The following CLEC16A variants were observed in gnomAD, a reference collection of about 807,000 sequenced individuals.
CLEC16A encodes the protein protein CLEC16A.
In CLEC16A, 51 loss-of-function variants were observed where a neutral mutation model predicts 109.5. The ratio of observed to expected loss-of-function variants is 0.47; its 90% CI spans 0.37 to 0.59. The LOEUF (loss-of-function observed/expected upper bound fraction) is 0.59. Ranked by LOEUF, CLEC16A falls within the 20% of genes least tolerant of loss-of-function variation. The probability of loss-of-function intolerance (pLI) is 0.00; values close to 1 mark genes in which losing one functional copy is unlikely to be tolerated. For missense variants in CLEC16A, 1,339 were observed against 1,394.0 expected, an observed-to-expected ratio of 0.96 and a Z score of 0.63; for synonymous variants, 673 against 564.2, an observed-to-expected ratio of 1.19 and a Z score of -2.73.
intron 11 of CLEC16A, among the ~76,000 whole-genome samples, chr16:11,011,144 T>A (rs2045388008): frequency 6.6e-6 from 1 of 152,232 alleles, no homozygotes; most frequent in African/African-American, 2.4e-5. Context: ...GGAGACACTT[T>A]GGGATCATAC....
At chr16:10,950,797 G>T (rs80043172) in intron 1 of CLEC16A, among the ~76,000 whole-genome samples, 6,602 of 152,272 alleles carry the variant, frequency 0.043, 508 homozygotes, top group African/African-American at 0.15. Context: ...CTGAGACATT[G>T]TTATTTGGAG....
At chr16:11,000,384 A>C (rs2044597625) in intron 10 of CLEC16A, among the ~76,000 whole-genome samples, 1 of 152,086 alleles carries the variant, frequency 6.6e-6, no homozygotes, top group African/African-American at 2.4e-5. Flanking sequence ...TTCTGCTCTT[A>C]ATTTCAAACT....
At chr16:11,109,210 G>GGCAGTGGT (rs951598686) in intron 19 of CLEC16A, among the ~76,000 whole-genome samples, 4 of 149,530 alleles carry the variant, frequency 2.7e-5, no homozygotes, top group South Asian at 2.1e-4. Flanking sequence ...CTGTCACCCA[G>GGCAGTGGT]GCAGTGGTGC....
chr16:11,040,336 G>A (rs2152849344), intron 14 of CLEC16A: 1 of 161,904 alleles, frequency 6.2e-6, no homozygotes, highest in South Asian at 1.7e-4. Context: ...GAGTGAGAAT[G>A]CGCTTGGAGA....
chr16:10,991,274 C>T (rs1379549750), intron 10 of CLEC16A, among the ~76,000 whole-genome samples: 1 of 151,698 alleles, frequency 6.6e-6, no homozygotes, highest in African/African-American at 2.4e-5. Context: ...AGCACAGACT[C>T]AAAGGAAGCA....
chr16:11,090,955 C>T (rs2050271689), intron 19 of CLEC16A, among the ~76,000 whole-genome samples: 1 of 152,020 alleles, frequency 6.6e-6, no homozygotes, highest in Non-Finnish European at 1.5e-5. Context: ...CAGGCATGAG[C>T]CACGGTGCCC....
intron 18 of CLEC16A, among the ~76,000 whole-genome samples, chr16:11,052,971 G>A (rs746229130): frequency 4.6e-5 from 7 of 152,120 alleles, no homozygotes; most frequent in Non-Finnish European, 1.0e-4. Context: ...ATAGCTCACT[G>A]CAGCCTCAAA....
At chr16:11,137,988 C>T (rs748352409) in intron 22 of CLEC16A, among the ~76,000 whole-genome samples, 1 of 152,200 alleles carries the variant, frequency 6.6e-6, no homozygotes, top group Non-Finnish European at 1.5e-5. Flanking sequence ...TGGCCGTTTC[C>T]TTCATGCTGC....
intron 19 of CLEC16A, among the ~76,000 whole-genome samples, chr16:11,100,314 T>C (rs894157755): frequency 1.3e-5 from 2 of 152,152 alleles, no homozygotes; most frequent in South Asian, 4.1e-4. Context: ...CCTTTCCCTT[T>C]CTCCGCCTGC....
intron 13 of CLEC16A, among the ~76,000 whole-genome samples, chr16:11,038,493 A>G (rs941583122): frequency 2.6e-5 from 4 of 152,174 alleles, no homozygotes; most frequent in Admixed American, 1.3e-4. Context: ...CCAGGCAGGA[A>G]CTGTTCTAGT....
chr16:11,016,673 C>A (rs890434893), intron 11 of CLEC16A, among the ~76,000 whole-genome samples: 2 of 152,282 alleles, frequency 1.3e-5, no homozygotes, highest in South Asian at 4.1e-4. Context: ...GTACTGTTTG[C>A]TCTGCTGTTT....
chr16:10,977,466 C>A, intron 8 of CLEC16A, 67 bp downstream of exon 8: 1 of 1,400,432 alleles, frequency 7.1e-7, no homozygotes. Context: ...AGTCCCCAGT[C>A]CCCTGGAATG....
chr16:11,105,248 A>G (rs1174623115), intron 19 of CLEC16A, among the ~76,000 whole-genome samples: 1 of 152,214 alleles, frequency 6.6e-6, no homozygotes, highest in African/African-American at 2.4e-5. Flanking sequence ...ATAAGGGGAT[A>G]TGCCAGACTG....
intron 23 of CLEC16A, among the ~76,000 whole-genome samples, chr16:11,172,574 G>A (rs2068567375): frequency 6.6e-6 from 1 of 151,720 alleles, no homozygotes; most frequent in African/African-American, 2.4e-5. Flanking sequence ...CATAGTAGGT[G>A]TAATTAAACA....
chr16:11,115,613 T>C (rs993557031), intron 19 of CLEC16A, among the ~76,000 whole-genome samples: 1 of 152,186 alleles, frequency 6.6e-6, no homozygotes, highest in Non-Finnish European at 1.5e-5. Context: ...GCTCAAGCGA[T>C]CCACCCATCT....
At chr16:11,131,205 C>T (rs774538689) in intron 22 of CLEC16A, among the ~76,000 whole-genome samples, 9 of 152,190 alleles carry the variant, frequency 5.9e-5, no homozygotes, top group Non-Finnish European at 1.0e-4. Flanking sequence ...AGCCTGAGCA[C>T]TCTGTGGCTT....
chr16:10,983,611 C>T (rs2043453670), intron 10 of CLEC16A, among the ~76,000 whole-genome samples: 1 of 152,182 alleles, frequency 6.6e-6, no homozygotes, highest in African/African-American at 2.4e-5. Context: ...CCATTTGGTA[C>T]ACTGCTGAGG....
intron 19 of CLEC16A, among the ~76,000 whole-genome samples, chr16:11,066,326 C>A (rs577678781): frequency 6.6e-6 from 1 of 151,954 alleles, no homozygotes; most frequent in Non-Finnish European, 1.5e-5. Flanking sequence ...CATTTTGTGA[C>A]AGTTTGCAGT....
chr16:11,006,611 T>C (rs953709769), intron 11 of CLEC16A, among the ~76,000 whole-genome samples: 1 of 152,182 alleles, frequency 6.6e-6, no homozygotes, highest in Non-Finnish European at 1.5e-5. Flanking sequence ...ATTTTGACTT[T>C]AAAAGACGGG....
Sources: gnomAD v4.1 joint callset for allele counts (sites outside exome capture counted in the v4.1 genomes callset) on GRCh38, gnomAD v4.1.1 for gene constraint, MANE v1.5 for transcripts, NCBI Gene and HGNC (gene_info 2026-07-23, HGNC 2026-07-21) for gene names.